Variants in FLT1 observed in about 807,000 individuals in gnomAD.
FLT1 encodes the protein fms related receptor tyrosine kinase 1, also known as vascular endothelial growth factor receptor 1.
Under a neutral mutation model 156.3 loss-of-function variants are expected in FLT1, and 49 were observed. That is an observed-to-expected ratio of 0.31 (90% CI 0.25 to 0.40). The LOEUF is 0.40. Among genes scored for constraint, FLT1 ranks in the 10% least tolerant of loss-of-function variants. The probability of loss-of-function intolerance (pLI) is 1.00; values close to 1 mark genes in which losing one functional copy is unlikely to be tolerated. For missense variants in FLT1, 1,322 were observed against 1,637.2 expected (o/e 0.81, Z 3.32); for synonymous variants, 594 against 583.8 (o/e 1.02, Z -0.25).
intron 13 of FLT1, chr13:28,389,444 G>A (rs900443728): frequency 3.8e-6 from 5 of 1,299,508 alleles, no homozygotes; most frequent in Non-Finnish European, 4.9e-6. Context: ...TATCAGGCAG[G>A]AGAAAACAGC....
At chr13:28,428,441 G>A (rs1877476786) in intron 8 of FLT1, among the ~76,000 whole-genome samples, 1 of 150,836 alleles carries the variant, frequency 6.6e-6, no homozygotes, top group South Asian at 2.1e-4. Context: ...AGACTATCAA[G>A]ATTTTTCCTC....
chr13:28,383,699 G>T (rs1375845696), intron 14 of FLT1, among the ~76,000 whole-genome samples: 2 of 151,624 alleles, frequency 1.3e-5, no homozygotes, highest in Non-Finnish European at 1.5e-5. Flanking sequence ...TGTGGCGGCG[G>T]GCACCTGTAA....
At chr13:28,312,422 G>C (rs771429609) in intron 25 of FLT1, among the ~76,000 whole-genome samples, 8 of 151,860 alleles carry the variant, frequency 5.3e-5, no homozygotes, top group African/African-American at 1.2e-4. Context: ...ACAGCAATTC[G>C]GAAAGGAAAC....
intron 1 of FLT1, among the ~76,000 whole-genome samples, chr13:28,479,970 G>A (rs1189921655): frequency 6.6e-6 from 1 of 152,160 alleles, no homozygotes; most frequent in East Asian, 1.9e-4. Context: ...CAAAGTAGAA[G>A]TTACATAAAA....
Position 28,301,047 on chromosome 13 carries a change from C to CT in FLT1, c.*2119dup, listed in dbSNP as rs1870492095. The stretch of plus-strand genomic sequence containing the variant: ...CTGAGTAACAATTCTAATGGTTTTG[C>CT]TTTTCTCTTGAAAAGGAGTATTTAT... On this transcript the variant is annotated 3_prime_UTR_variant, in exon 30 of 30. Coordinates refer to ENST00000282397, the MANE Select transcript of FLT1 (RefSeq NM_002019.4). 8 of 232,316 alleles carry CT rather than the reference C, an allele frequency of 3.4e-5. 1 individual carries two copies. In the East Asian group the frequency reaches 4.9e-4, roughly 14 times the overall value. 14.4% of individuals were successfully genotyped at this position (232,316 alleles called of 1,614,324 possible). A position where few individuals can be genotyped will look rare whatever the true frequency, so the allele number is the denominator to read the frequency against.
rs560431245 is a variant in FLT1 at position 28,386,594 on chromosome 13, AACGT to A, written c.1970-1567_1970-1564del. On this transcript the variant is annotated intron_variant, in intron 13 of 29. Coordinates refer to ENST00000282397, the MANE Select transcript of FLT1 (RefSeq NM_002019.4). Reference sequence around the variant, plus strand: ...CTATCTTATCTTGCCCACTAAGCAGAACGTTACGATATTTCTGTTTTTGCATTGG... The same window carrying A: ...CTATCTTATCTTGCCCACTAAGCAGATACGATATTTCTGTTTTTGCATTGG... 7.0e-5 allele frequency: 74 copies of A among 1,055,966 alleles called. No individual in the cohort carries two copies. In the East Asian group the frequency reaches 3.1e-3, roughly 44 times the overall value. 65.4% of individuals were successfully genotyped at this position (1,055,966 alleles called of 1,614,324 possible).
chr13:28,405,883 CA>C lies in FLT1; in HGVS notation c.1447del (p.Cys483ValfsTer29). ...HNHSEARCDF[C>X]SNNEESFILD... is the part of the protein sequence containing the mutation. ...GATAAAGGACTCTTCATTATTGGAA[CA>C]AAAGTCACACCTATTAAAAAAAAAA... is the stretch of plus-strand genomic sequence containing the variant. On this transcript the variant is annotated frameshift_variant, in exon 11 of 30. Coordinates refer to ENST00000282397, the MANE Select transcript of FLT1 (RefSeq NM_002019.4). LOFTEE classifies it high-confidence loss of function. 6.3e-7 allele frequency: 1 copy of C among 1,585,872 alleles called. No individual in the cohort carries two copies.
chr13:28,442,582 A>C (rs1284279987), intron 3 of FLT1, among the ~76,000 whole-genome samples: 1 of 152,174 alleles, frequency 6.6e-6, no homozygotes, highest in East Asian at 1.9e-4. Context: ...CTATCCGAAG[A>C]TATCAGAACT....
At chr13:28,405,483 T>C (rs1875729980) in intron 11 of FLT1, among the ~76,000 whole-genome samples, 1 of 152,128 alleles carries the variant, frequency 6.6e-6, no homozygotes, top group African/African-American at 2.4e-5. Flanking sequence ...ATAATAATAA[T>C]TGGTAGAGTA....
intron 16 of FLT1, among the ~76,000 whole-genome samples, chr13:28,340,167 A>G: frequency 6.6e-6 from 1 of 151,758 alleles, no homozygotes; most frequent in East Asian, 1.9e-4. Context: ...GTGAGCCAAG[A>G]TGGCACCACT....
rs192922901 is a variant in FLT1 at position 28,366,630 on chromosome 13, C to G, written c.2117-8945G>C. ...GATTACAGGCGCCTGCCACCACGCC[C>G]GGCTAATTTTTTGTATTTTTAGTAG... On this transcript the variant is annotated intron_variant, in intron 14 of 29. Coordinates refer to ENST00000282397, the MANE Select transcript of FLT1 (RefSeq NM_002019.4). Among the ~76,000 whole-genome samples the G allele has an allele frequency of 4.0e-3, 605 of 152,122 alleles. 4 individuals are homozygous for G. The highest frequency in any genetic ancestry group is 0.014 in the African/African-American group (572 of 41,480).
At chr13:28,411,518 C>T (rs1223728752) in intron 10 of FLT1, among the ~76,000 whole-genome samples, 2 of 144,140 alleles carry the variant, frequency 1.4e-5, no homozygotes, top group Non-Finnish European at 3.0e-5. Context: ...TGCGCTCCAG[C>T]CTGGTCAAGA....
At chr13:28,461,923 C>T (rs1879599212) in intron 3 of FLT1, among the ~76,000 whole-genome samples, 1 of 152,130 alleles carries the variant, frequency 6.6e-6, no homozygotes, top group East Asian at 1.9e-4. Context: ...TGCTCCAACC[C>T]ATTGACTTTA....
chr13:28,303,637 C>G (rs1348704008), intron 29 of FLT1, among the ~76,000 whole-genome samples: 1 of 152,042 alleles, frequency 6.6e-6, no homozygotes, highest in East Asian at 1.9e-4. Context: ...AATCCATAAT[C>G]CAGGTGGAAA....
In FLT1 at chr13:28,439,178, T is replaced by C. The variant is rs1161191017; in HGVS notation, c.389-833A>G. Among the ~76,000 whole-genome samples the C allele has an allele frequency of 6.6e-6, 1 of 152,146 alleles. No individual in the cohort carries two copies. The highest frequency in any genetic ancestry group is 1.9e-4 in the East Asian group (1 of 5,192). ...GGAACCAGAATGAGTCCAAGATCCT[T>C]TTAGAAACATTCTCAGTCTACCCTG... On this transcript the variant is annotated intron_variant, in intron 3 of 29. Transcript: ENST00000282397. The surrounding 1 kb of genome is among the most constrained non-coding windows in gnomAD (Gnocchi z 4.1).
intron 3 of FLT1, among the ~76,000 whole-genome samples, chr13:28,442,741 C>T (rs375800587): frequency 3.0e-4 from 46 of 151,938 alleles, no homozygotes; most frequent in South Asian, 1.2e-3. Context: ...CACGAACACA[C>T]GAACAATACT....
intron 10 of FLT1, among the ~76,000 whole-genome samples, chr13:28,407,633 G>A (rs1875893324): frequency 6.6e-6 from 1 of 152,112 alleles, no homozygotes; most frequent in South Asian, 2.1e-4. Context: ...TTTTAAAGAT[G>A]TCTGTCTTAC....
intron 1 of FLT1, among the ~76,000 whole-genome samples, chr13:28,493,347 TCCCAAC>T (rs1358934443): frequency 6.6e-6 from 1 of 152,214 alleles, no homozygotes; most frequent in African/African-American, 2.4e-5. Context: ...TTAGCACCTT[TCCCAAC>T]CTACAGTGAG....
At chr13:28,373,634 A>C (rs1873718371) in intron 14 of FLT1, among the ~76,000 whole-genome samples, 1 of 152,224 alleles carries the variant, frequency 6.6e-6, no homozygotes, top group African/African-American at 2.4e-5. Context: ...ACATGAAAGC[A>C]TGAAAGCATG....
Sources: gnomAD v4.1 joint callset for allele counts (sites outside exome capture counted in the v4.1 genomes callset) on GRCh38, gnomAD v4.1.1 for gene constraint, Gnocchi (gnomAD v3.1) non-coding constraint, MANE v1.5 for transcripts, NCBI Gene and HGNC (gene_info 2026-07-23, HGNC 2026-07-21) for gene names.